Variants in LIMS1 observed in about 807,000 individuals in gnomAD.
The protein encoded by LIMS1 is LIM and senescent cell antigen-like-containing domain protein 1.
Under a neutral mutation model 44.1 loss-of-function variants are expected in LIMS1, and 18 were observed. The observed-to-expected ratio is 0.41, with a 90% CI of 0.28 to 0.61. The LOEUF is 0.61. Ranked by LOEUF, LIMS1 falls within the 20% of genes least tolerant of loss-of-function variation. LIMS1 has a pLI of 0.32. For synonymous variants in LIMS1, 93 were observed against 149.1 expected (o/e 0.62, Z 2.74); for missense variants, 201 against 422.0 (o/e 0.48, Z 4.59).
At chr2:108,607,138 C>A in intron 1 of LIMS1, 3 of 1,364,462 alleles carry the variant, frequency 2.2e-6, no homozygotes, top group South Asian at 1.3e-5. Context: ...CCCAAGGGAG[C>A]CTGCTTGCCC....
At chr2:108,664,028 A>G (rs2148979939) in intron 2 of LIMS1, among the ~76,000 whole-genome samples, 1 of 152,294 alleles carries the variant, frequency 6.6e-6, no homozygotes, top group East Asian at 1.9e-4. Flanking sequence ...TGCTGGGATT[A>G]CAGGAGTGAG....
chr2:108,543,204 G>A (rs1338039446), intron 1 of LIMS1, among the ~76,000 whole-genome samples: 1 of 152,206 alleles, frequency 6.6e-6, no homozygotes, highest in Non-Finnish European at 1.5e-5. Flanking sequence ...GCTGAGGTGA[G>A]AGGATCGCTT....
At chr2:108,547,300 G>A (rs747157425) in intron 1 of LIMS1, among the ~76,000 whole-genome samples, 5 of 152,164 alleles carry the variant, frequency 3.3e-5, no homozygotes, top group Non-Finnish European at 7.4e-5. Flanking sequence ...GATGGTATAG[G>A]GCAGAGGTGG....
chr2:108,646,182 C>A (rs1460395088), intron 1 of LIMS1, among the ~76,000 whole-genome samples: 1 of 152,152 alleles, frequency 6.6e-6, no homozygotes, highest in South Asian at 2.1e-4. Flanking sequence ...AGAATATACA[C>A]TCTTCTCAGC....
At chr2:108,571,845 G>A (rs1002162870) in intron 1 of LIMS1, among the ~76,000 whole-genome samples, 3 of 152,178 alleles carry the variant, frequency 2.0e-5, no homozygotes, top group African/African-American at 7.2e-5. Context: ...TCAATGTAGG[G>A]ACAGGCACCT....
chr2:108,681,236 A>G (rs1692974846), intron 9 of LIMS1: 1 of 1,249,458 alleles, frequency 8.0e-7, no homozygotes, highest in African/African-American at 1.5e-5. Flanking sequence ...TTGGGCATGT[A>G]TTTGTAGTCA....
chr2:108,623,706 A>G (rs1688393441), intron 1 of LIMS1, among the ~76,000 whole-genome samples: 1 of 152,208 alleles, frequency 6.6e-6, no homozygotes, highest in Non-Finnish European at 1.5e-5. Context: ...TGTGCTATCA[A>G]ACATCTTTCA....
At chr2:108,618,328 G>A (rs1403908715) in intron 1 of LIMS1, among the ~76,000 whole-genome samples, 1 of 152,168 alleles carries the variant, frequency 6.6e-6, no homozygotes, top group Non-Finnish European at 1.5e-5. Flanking sequence ...GAGAATTCAG[G>A]CATAATTAAT....
chr2:108,580,022 C>T (rs974234185), intron 1 of LIMS1, among the ~76,000 whole-genome samples: 4 of 152,152 alleles, frequency 2.6e-5, no homozygotes, highest in Non-Finnish European at 5.9e-5. Context: ...CAGCCAGGTC[C>T]GTTTTTACTG....
chr2:108,650,392 G>A (rs894785899), intron 1 of LIMS1, among the ~76,000 whole-genome samples: 21 of 151,404 alleles, frequency 1.4e-4, no homozygotes, highest in African/African-American at 4.1e-4. Flanking sequence ...ATTGTGTGCC[G>A]CCTAAACTTT....
At chr2:108,641,422 T>G (rs1275215582) in intron 1 of LIMS1, among the ~76,000 whole-genome samples, 2 of 152,202 alleles carry the variant, frequency 1.3e-5, no homozygotes, top group Non-Finnish European at 2.9e-5. Context: ...CTCATTGTAA[T>G]TTCTGGACTT....
intron 1 of LIMS1, among the ~76,000 whole-genome samples, chr2:108,586,403 T>G (rs1686107458): frequency 6.6e-6 from 1 of 152,144 alleles, no homozygotes; most frequent in African/African-American, 2.4e-5. Flanking sequence ...CAAACAGACC[T>G]TGTTGGGACT....
chr2:108,595,853 C>T (rs967458190), intron 1 of LIMS1, among the ~76,000 whole-genome samples: 1 of 151,912 alleles, frequency 6.6e-6, no homozygotes, highest in Non-Finnish European at 1.5e-5. Context: ...CCACCTTAAT[C>T]ATTTTTAAAC....
intron 1 of LIMS1, among the ~76,000 whole-genome samples, chr2:108,644,183 T>C (rs1418748340): frequency 6.6e-6 from 1 of 152,154 alleles, no homozygotes; most frequent in Non-Finnish European, 1.5e-5. Context: ...CCTCCTCAAG[T>C]GGGTCCCTGA....
At chr2:108,567,878 A>G (rs565622828) in intron 1 of LIMS1, among the ~76,000 whole-genome samples, 20 of 152,220 alleles carry the variant, frequency 1.3e-4, no homozygotes, top group South Asian at 2.1e-4. Context: ...AGCCTGCCCT[A>G]TGTTCTTGTT....
intron 1 of LIMS1, among the ~76,000 whole-genome samples, chr2:108,577,084 C>T (rs984853259): frequency 2.6e-5 from 4 of 152,224 alleles, no homozygotes; most frequent in Admixed American, 2.6e-4. Flanking sequence ...ACTGTGAGTG[C>T]ACTCAACATG....
rs115930477 is a variant in LIMS1, at chr2:108,543,307, C to T, written c.32+8713C>T. Among the ~76,000 whole-genome samples the T allele has an allele frequency of 9.8e-3, 1,489 of 152,150 alleles. 13 individuals carry two copies. The highest frequency in any genetic ancestry group is 0.012 in the Non-Finnish European group (837 of 67,998). On this transcript the variant is annotated intron_variant, in intron 1 of 9. Coordinates refer to ENST00000544547, the Ensembl canonical transcript of LIMS1. ...TTAGCTGGGCATGGTGGCACGTGCC[C>T]GTAGTCCTGTGGCAGGCTAGGTCTC... is the stretch of plus-strand genomic sequence containing the variant.
intron 2 of LIMS1, among the ~76,000 whole-genome samples, chr2:108,665,356 G>A (rs1451397537): frequency 6.6e-6 from 1 of 152,016 alleles, no homozygotes; most frequent in Admixed American, 6.6e-5. Context: ...TGAGTATTGT[G>A]TATCTAAAAG....
At position 108,545,866 on chromosome 2, in the gene LIMS1, T is replaced by C. The variant is rs561708051; in HGVS notation, c.32+11272T>C. Among the ~76,000 whole-genome samples the C allele has an allele frequency of 6.4e-4, 97 of 152,322 alleles. 1 individual carries two copies. Among genetic ancestry groups the C allele is most frequent in the Non-Finnish European group, 1.1e-3 (72 of 68,022 alleles). ...CCTCTGGACCCCACTATGCAGACTT[T>C]CAATCTGGATTATTATTAATGCATT... On this transcript the variant is annotated intron_variant, in intron 1 of 9. Coordinates refer to ENST00000544547, the Ensembl canonical transcript of LIMS1.
Sources: gnomAD v4.1 joint callset for allele counts (sites outside exome capture counted in the v4.1 genomes callset) on GRCh38, gnomAD v4.1.1 for gene constraint, MANE v1.5 for transcripts, NCBI Gene and HGNC (gene_info 2026-07-23, HGNC 2026-07-21) for gene names.